Variants in NCAM2 observed in about 807,000 individuals in gnomAD.
The protein encoded by NCAM2 is neural cell adhesion molecule 2.
A neutral mutation model predicts 98.1 loss-of-function variants in NCAM2; 30 were observed. The ratio of observed to expected loss-of-function variants is 0.31; its 90% CI spans 0.23 to 0.41. The LOEUF is 0.41. NCAM2 is among the 10% of genes least tolerant of loss of function. The probability of loss-of-function intolerance (pLI) is 1.00; values close to 1 mark genes in which losing one functional copy is unlikely to be tolerated. For synonymous variants in NCAM2, 368 were observed against 342.4 expected, an observed-to-expected ratio of 1.07 and a Z score of -0.83; for missense variants, 867 against 1,005.8, an observed-to-expected ratio of 0.86 and a Z score of 1.87.
intron 5 of NCAM2, among the ~76,000 whole-genome samples, chr21:21,315,340 T>C (rs1462790566): frequency 6.6e-6 from 1 of 152,182 alleles, no homozygotes; most frequent in Admixed American, 6.5e-5. Flanking sequence ...GTGGATGCCT[T>C]CCTAAGACCT....
At chr21:21,197,317 A>T (rs2069039680) in intron 1 of NCAM2, among the ~76,000 whole-genome samples, 1 of 152,030 alleles carries the variant, frequency 6.6e-6, no homozygotes, top group Non-Finnish European at 1.5e-5. Context: ...TTTAGTAGAG[A>T]TGAGGTTTCA....
At chr21:21,292,436 T>C (rs1011221087) in intron 5 of NCAM2, among the ~76,000 whole-genome samples, 195 bp downstream of exon 5, 27 of 152,038 alleles carry the variant, frequency 1.8e-4, no homozygotes, top group African/African-American at 6.5e-4. Context: ...TGACTTATGT[T>C]ACATTGTCAT....
At chr21:21,429,205 C>A (rs564991636) in intron 11 of NCAM2, among the ~76,000 whole-genome samples, 3 of 152,262 alleles carry the variant, frequency 2.0e-5, no homozygotes, top group Admixed American at 6.5e-5. Context: ...AGAGACTAGG[C>A]ACTGGCCCAT....
At chr21:21,223,017 A>G (rs1056357597) in intron 1 of NCAM2, among the ~76,000 whole-genome samples, 2 of 152,072 alleles carry the variant, frequency 1.3e-5, no homozygotes, top group African/African-American at 4.8e-5. Flanking sequence ...ACCCTCCACC[A>G]GTAAAAAAAA....
At chr21:21,430,616 A>G (rs1287718299) in intron 11 of NCAM2, among the ~76,000 whole-genome samples, 1 of 151,998 alleles carries the variant, frequency 6.6e-6, no homozygotes, top group African/African-American at 2.4e-5. Context: ...AAAAACGGGA[A>G]GAGCCAGACC....
intron 1 of NCAM2, among the ~76,000 whole-genome samples, chr21:20,999,993 G>A (rs1225189920): frequency 6.6e-5 from 10 of 152,206 alleles, no homozygotes; most frequent in African/African-American, 2.4e-4. Context: ...TTTGTAAAGT[G>A]TCTTGATAAG....
chr21:21,342,482 G>C (rs572437595), intron 8 of NCAM2, among the ~76,000 whole-genome samples: 1 of 152,294 alleles, frequency 6.6e-6, no homozygotes, highest in Non-Finnish European at 1.5e-5. Flanking sequence ...AGGTGGAGCT[G>C]TTTTTGGAAC....
chr21:21,219,830 C>T (rs2070065780), intron 1 of NCAM2, among the ~76,000 whole-genome samples: 1 of 152,108 alleles, frequency 6.6e-6, no homozygotes, highest in Non-Finnish European at 1.5e-5. Flanking sequence ...TCCAGTGGGA[C>T]ACGGTGTGGA....
At chr21:21,181,407 A>G (rs1215072212) in intron 1 of NCAM2, among the ~76,000 whole-genome samples, 4 of 152,192 alleles carry the variant, frequency 2.6e-5, no homozygotes, top group African/African-American at 9.6e-5. Flanking sequence ...GAAATAAGTA[A>G]TGTTAAAGCA....
chr21:21,406,891 A>G (rs1291676605), intron 9 of NCAM2, among the ~76,000 whole-genome samples: 1 of 152,088 alleles, frequency 6.6e-6, no homozygotes, highest in Non-Finnish European at 1.5e-5. Context: ...TTCCATGCCT[A>G]TTGCCTTTTT....
At chr21:21,222,709 A>T (rs2070219697) in intron 1 of NCAM2, among the ~76,000 whole-genome samples, 1 of 152,186 alleles carries the variant, frequency 6.6e-6, no homozygotes, top group African/African-American at 2.4e-5. Context: ...TGGAGTCTAC[A>T]CCTGGTGAAG....
intron 1 of NCAM2, among the ~76,000 whole-genome samples, chr21:21,197,867 A>G (rs973808341): frequency 1.3e-5 from 2 of 152,190 alleles, no homozygotes; most frequent in Admixed American, 1.3e-4. Flanking sequence ...GAGCCAAAAT[A>G]TCATTTAGCC....
At chr21:21,031,287 G>T (rs1290002483) in intron 1 of NCAM2, among the ~76,000 whole-genome samples, 1 of 152,122 alleles carries the variant, frequency 6.6e-6, no homozygotes, top group Non-Finnish European at 1.5e-5. Context: ...TCTAATATTT[G>T]TAAAGACTAG....
At chr21:21,231,167 T>C (rs1009928290) in intron 1 of NCAM2, among the ~76,000 whole-genome samples, 7 of 151,362 alleles carry the variant, frequency 4.6e-5, no homozygotes, top group East Asian at 1.9e-4. Context: ...AAGTACCTAG[T>C]TGCCTAACTC....
chr21:21,101,965 A>C (rs1299023175), intron 1 of NCAM2, among the ~76,000 whole-genome samples: 1 of 152,016 alleles, frequency 6.6e-6, no homozygotes, highest in African/African-American at 2.4e-5. Flanking sequence ...TGGGTCTAGC[A>C]TGTGGCAAGC....
intron 1 of NCAM2, among the ~76,000 whole-genome samples, chr21:21,138,064 C>T (rs2067096027): frequency 6.6e-6 from 1 of 152,118 alleles, no homozygotes; most frequent in African/African-American, 2.4e-5. Flanking sequence ...AAACTCATGT[C>T]TTTTGTCCTA....
chr21:21,239,401 CTATA>C (rs879459154), intron 1 of NCAM2: 9 of 152,228 alleles, frequency 5.9e-5, no homozygotes, highest in Middle Eastern at 3.4e-3. Flanking sequence ...TGCCCATCAT[CTATA>C]TATAGGGTAT....
chr21:21,187,462 C>CAAA (rs201124792), intron 1 of NCAM2, among the ~76,000 whole-genome samples: 8,636 of 151,240 alleles, frequency 0.057, 331 homozygotes, highest in East Asian at 0.12. Flanking sequence ...ACAACAACAA[C>CAAA]AAAAAAGGGA....
intron 1 of NCAM2, among the ~76,000 whole-genome samples, chr21:21,239,085 C>T (rs1466440837): frequency 9.9e-5 from 15 of 152,162 alleles, no homozygotes; most frequent in Admixed American, 9.8e-4. Flanking sequence ...CAAAGATACA[C>T]AGAGCTCCCT....
Sources: allele counts gnomAD v4.1 joint callset (sites outside exome capture counted in the v4.1 genomes callset), GRCh38; gene constraint gnomAD v4.1.1; transcripts MANE v1.5; gene names NCBI Gene and HGNC (gene_info 2026-07-23, HGNC 2026-07-21).